PLEKHH2: variants seen among roughly 807,000 people sequenced by gnomAD.
PLEKHH2 encodes the protein pleckstrin homology, MyTH4 and FERM domain containing H2.
A neutral mutation model predicts 187.9 loss-of-function variants in PLEKHH2; 129 were observed. The observed-to-expected ratio is 0.69, with a 90% confidence interval of 0.59 to 0.79. The LOEUF (loss-of-function observed/expected upper bound fraction) is 0.79. Ranked by LOEUF, PLEKHH2 falls within the 30% of genes least tolerant of loss-of-function variation. The probability of loss-of-function intolerance (pLI) is 0.00; values close to 1 mark genes in which losing one functional copy is unlikely to be tolerated. For synonymous variants in PLEKHH2, 686 were observed against 605.6 expected, an observed-to-expected ratio of 1.13 and a Z score of -1.95; for missense variants, 2,076 against 1,751.2, an observed-to-expected ratio of 1.19 and a Z score of -3.31.
At position 43,767,758 on chromosome 2, in the gene PLEKHH2, G is replaced by C. The variant is rs568157688; in HGVS notation, c.*2160G>C. The stretch of plus-strand genomic sequence containing the variant: ...TTAAACTGTGTAGTACCTTAGACTT[G>C]GCATTTATTTTTGATAGAGCAGAGA... On this transcript the variant is annotated 3_prime_UTR_variant, in exon 30 of 30. Transcript: ENST00000282406. The C allele has an allele frequency of 5.2e-5, 8 of 152,728 alleles. No individual in the cohort carries two copies. Among genetic ancestry groups the C allele is most frequent in the African/African-American group, 1.9e-4 (8 of 41,490 alleles). 9.5% of individuals were successfully genotyped at this position (152,728 alleles called of 1,614,324 possible).
At chr2:43,712,853 A>T (rs1670034864) in intron 15 of PLEKHH2, among the ~76,000 whole-genome samples, 1 of 152,158 alleles carries the variant, frequency 6.6e-6, no homozygotes, top group African/African-American at 2.4e-5. Flanking sequence ...CAATTTTTTT[A>T]AAAGCACAGA....
At chr2:43,691,857 G>C (rs1045772166) in intron 3 of PLEKHH2, among the ~76,000 whole-genome samples, 1 of 152,060 alleles carries the variant, frequency 6.6e-6, no homozygotes, top group African/African-American at 2.4e-5. Context: ...GAGATTTGGG[G>C]GTCTAGTTTA....
intron 24 of PLEKHH2, among the ~76,000 whole-genome samples, 160 bp downstream of exon 24, chr2:43,746,123 C>T (rs1484611860): frequency 6.6e-6 from 1 of 152,180 alleles, no homozygotes; most frequent in Non-Finnish European, 1.5e-5. Context: ...AAAACCTTGT[C>T]ACATAAAATT....
intron 1 of PLEKHH2, among the ~76,000 whole-genome samples, chr2:43,640,185 A>G (rs1703307768): frequency 6.7e-6 from 1 of 150,230 alleles, no homozygotes; most frequent in Non-Finnish European, 1.5e-5. Flanking sequence ...AAGTTACTCC[A>G]ATAACTTGGT....
intron 2 of PLEKHH2, among the ~76,000 whole-genome samples, chr2:43,667,774 G>A (rs1254377637): frequency 6.6e-6 from 1 of 152,150 alleles, no homozygotes; most frequent in Non-Finnish European, 1.5e-5. Context: ...TGGTTGCAAA[G>A]GGCGATTGGG....
At chr2:43,650,144 C>CTTTTTTTTT (rs70965311) in intron 2 of PLEKHH2, among the ~76,000 whole-genome samples, 2 of 95,664 alleles carry the variant, frequency 2.1e-5, no homozygotes, top group South Asian at 3.6e-4. Flanking sequence ...TTTTTCTTTC[C>CTTTTTTTTT]TTTTTTTTTT....
At chr2:43,682,818 A>C (rs901108448) in intron 3 of PLEKHH2, among the ~76,000 whole-genome samples, 1 of 152,298 alleles carries the variant, frequency 6.6e-6, no homozygotes, top group African/African-American at 2.4e-5. Context: ...AAATGGATTT[A>C]TATACTATTT....
At chr2:43,740,339 G>T (rs1671504855) in intron 20 of PLEKHH2, among the ~76,000 whole-genome samples, 1 of 152,120 alleles carries the variant, frequency 6.6e-6, no homozygotes, top group African/African-American at 2.4e-5. Flanking sequence ...TTTAGTGGTT[G>T]AGCATTAACC....
Position 43,731,518 on chromosome 2 carries a change from G to C in PLEKHH2, c.2859G>C (p.Leu953Phe), listed in dbSNP as rs985089325. 6.2e-7 allele frequency: 1 copy of C among 1,604,088 alleles called. No homozygotes were observed. The highest frequency in any genetic ancestry group is 2.2e-5 in the East Asian group (1 of 44,800). Residue 953 changes from leucine (L) to phenylalanine (F), a missense_variant, in exon 19 of 30, where the codon TTG (leucine) becomes TTC (phenylalanine). By Grantham distance (22) the Leu-to-Phe change is conservative. Transcript: ENST00000282406. ...CTCAGATATGGAGACACCCCACTTTGTGTCACAGTAAAGAAGGAATCATTT... is the reference window on the plus strand; with the variant it reads ...CTCAGATATGGAGACACCCCACTTTCTGTCACAGTAAAGAAGGAATCATTT... ...PSSQIWRHPT[L>F]CHSKEGIISP... is the part of the protein sequence containing the mutation.
At chr2:43,652,802 C>T (rs1666553276) in intron 2 of PLEKHH2, among the ~76,000 whole-genome samples, 1 of 152,196 alleles carries the variant, frequency 6.6e-6, no homozygotes, top group Non-Finnish European at 1.5e-5. Context: ...AAAAAACCAG[C>T]ATTGCCTATG....
rs774593536 is a variant in PLEKHH2 at position 43,675,997 on chromosome 2, A to G, written c.124-2866A>G. On this transcript the variant is annotated intron_variant, in intron 2 of 29. Transcript: ENST00000282406. The stretch of plus-strand genomic sequence containing the variant: ...CCACCTGTCATTACTTTCTATATTG[A>G]ACAAATTATCATTTTTAGTATCGTA... The G allele has an allele frequency of 9.3e-6, 15 of 1,613,938 alleles. No homozygotes were observed. The highest frequency in any genetic ancestry group is 1.6e-4 in the Middle Eastern group (1 of 6,084).
At chr2:43,753,980 T>TC (rs1212549760) in intron 25 of PLEKHH2, among the ~76,000 whole-genome samples, 2 of 152,154 alleles carry the variant, frequency 1.3e-5, no homozygotes, top group African/African-American at 4.8e-5. Context: ...GAACCCAGTT[T>TC]CTTAATTATT....
chr2:43,688,631 A>C (rs1481519817), intron 3 of PLEKHH2, among the ~76,000 whole-genome samples: 1 of 152,206 alleles, frequency 6.6e-6, no homozygotes. Flanking sequence ...TCTTGGGTTC[A>C]GTGATTTGCT....
intron 17 of PLEKHH2, among the ~76,000 whole-genome samples, chr2:43,729,415 A>G (rs1421761807): frequency 6.6e-6 from 1 of 152,246 alleles, no homozygotes; most frequent in African/African-American, 2.4e-5. Flanking sequence ...TCTAAAATGC[A>G]TCTGAATAAG....
intron 8 of PLEKHH2, among the ~76,000 whole-genome samples, chr2:43,702,079 A>G (rs1270770107): frequency 1.3e-5 from 2 of 152,126 alleles, no homozygotes; most frequent in African/African-American, 4.8e-5. Context: ...GTCTGAAATG[A>G]TCTGTTATAG....
intron 3 of PLEKHH2, among the ~76,000 whole-genome samples, chr2:43,682,641 G>A (rs571166342): frequency 5.5e-4 from 84 of 152,192 alleles, no homozygotes; most frequent in African/African-American, 2.0e-3. Flanking sequence ...TCAGTGTTGT[G>A]TACAATCATC....
At chr2:43,720,608 C>A (rs2104544349) in intron 15 of PLEKHH2, 61 bp from the exon 16 acceptor site, 1 of 1,589,218 alleles carries the variant, frequency 6.3e-7, no homozygotes, top group Non-Finnish European at 8.5e-7. Context: ...GGTGTATAAG[C>A]TATAATTTAA....
chr2:43,733,215 T>C (rs1351082705), intron 19 of PLEKHH2, among the ~76,000 whole-genome samples: 1 of 151,878 alleles, frequency 6.6e-6, no homozygotes, highest in Non-Finnish European at 1.5e-5. Context: ...ATACAAAAAT[T>C]AGCCGAGTGT....
intron 24 of PLEKHH2, among the ~76,000 whole-genome samples, chr2:43,752,003 A>G (rs1486470759): frequency 6.6e-6 from 1 of 151,704 alleles, no homozygotes; most frequent in Admixed American, 6.6e-5. Context: ...GAATAAGAGA[A>G]AATGCACTTA....
Sources: allele counts gnomAD v4.1 joint callset (sites outside exome capture counted in the v4.1 genomes callset), GRCh38; gene constraint gnomAD v4.1.1; transcripts MANE v1.5; gene names NCBI Gene and HGNC (gene_info 2026-07-23, HGNC 2026-07-21).